PARD3B: variants seen among roughly 807,000 people sequenced by gnomAD.
The protein encoded by PARD3B is partitioning defective 3 homolog B.
A neutral mutation model predicts 130.2 loss-of-function variants in PARD3B; 103 were observed. The ratio of observed to expected loss-of-function variants is 0.79; its 90% CI spans 0.67 to 0.93. The LOEUF is 0.93. Among genes scored for constraint, PARD3B ranks in the 40% least tolerant of loss-of-function variants. The pLI is 0.00. For missense variants in PARD3B, 1,609 were observed against 1,499.2 expected (o/e 1.07, Z -1.21); for synonymous variants, 583 against 553.2 (o/e 1.05, Z -0.76).
chr2:204,977,811 CAAAAAA>C (rs35974349), intron 3 of PARD3B, among the ~76,000 whole-genome samples: 3 of 59,056 alleles, frequency 5.1e-5, no homozygotes, highest in East Asian at 6.0e-4. Flanking sequence ...GACTCCGGCT[CAAAAAA>C]AAAAAAAAAA....
chr2:205,194,805 A>G lies in PARD3B; in HGVS notation c.2140+1485A>G, dbSNP rs1406262394. Among the ~76,000 whole-genome samples the G allele has an allele frequency of 3.3e-5, 5 of 152,076 alleles. No homozygotes were observed. The South Asian group carries it at 1.0e-3, about 32-fold the overall frequency. On this transcript the variant is annotated intron_variant, in intron 15 of 22. Coordinates refer to ENST00000406610, the MANE Select transcript of PARD3B (RefSeq NM_001302769.2). ...TTATTATTATTATTTTTATTTTGAG[A>G]TGGAGTCTCGCTCTGTCACCCAGGA...
intron 1 of PARD3B, among the ~76,000 whole-genome samples, chr2:204,642,836 G>A (rs13015840): frequency 0.033 from 4,928 of 151,198 alleles, 110 homozygotes; most frequent in Non-Finnish European, 0.049. Context: ...CCTCTCGGCC[G>A]GGCGCGGTGG....
chr2:204,879,250 T>C (rs552744444), intron 2 of PARD3B, among the ~76,000 whole-genome samples: 2 of 152,280 alleles, frequency 1.3e-5, no homozygotes, highest in African/African-American at 2.4e-5. Flanking sequence ...ACATCTCAGA[T>C]GACAGGTCAA....
chr2:204,967,863 C>G lies in PARD3B; in HGVS notation c.394+2540C>G, dbSNP rs2125860433. On this transcript the variant is annotated intron_variant, in intron 3 of 22. Coordinates refer to ENST00000406610, the MANE Select transcript of PARD3B (RefSeq NM_001302769.2). The surrounding 1 kb of genome is among the most constrained non-coding windows in gnomAD (Gnocchi z 4.4). Reference sequence around the variant, plus strand: ...TTGATGGCACTTCTGGGAGTGTGACCTGGCTGTCCTGTCTGGTCCACCCTG... The same window carrying G: ...TTGATGGCACTTCTGGGAGTGTGACGTGGCTGTCCTGTCTGGTCCACCCTG... Among the ~76,000 whole-genome samples, 1 of 152,254 alleles carries G rather than the reference C, an allele frequency of 6.6e-6. No homozygotes were observed. Among genetic ancestry groups the G allele is most frequent in the African/African-American group, 2.4e-5 (1 of 41,552 alleles).
intron 20 of PARD3B, among the ~76,000 whole-genome samples, chr2:205,443,911 G>A (rs1400275184): frequency 6.6e-6 from 1 of 152,150 alleles, no homozygotes; most frequent in Non-Finnish European, 1.5e-5. Flanking sequence ...CCGGGGTAAG[G>A]GGGAATCACT....
intron 1 of PARD3B, among the ~76,000 whole-genome samples, chr2:204,569,638 G>C (rs2031875117): frequency 6.6e-6 from 1 of 152,170 alleles, no homozygotes; most frequent in African/African-American, 2.4e-5. Context: ...GATACTTACT[G>C]TGTGTTTTGT....
intron 3 of PARD3B, among the ~76,000 whole-genome samples, chr2:204,987,519 G>A (rs1340739899): frequency 1.3e-5 from 2 of 152,156 alleles, no homozygotes; most frequent in African/African-American, 4.8e-5. Context: ...TCTCTTTCTA[G>A]AAGGTATGTT....
At chr2:204,777,727 C>T (rs901113178) in intron 2 of PARD3B, among the ~76,000 whole-genome samples, 5 of 152,146 alleles carry the variant, frequency 3.3e-5, no homozygotes, top group Admixed American at 2.6e-4. Context: ...CATGATTGCA[C>T]CACTGAACTC....
chr2:205,139,205 C>T (rs554824784), intron 10 of PARD3B, among the ~76,000 whole-genome samples: 4 of 151,766 alleles, frequency 2.6e-5, no homozygotes, highest in Admixed American at 6.6e-5. Flanking sequence ...AACAAAGGCT[C>T]AACGTGCAGG....
At chr2:205,495,883 G>A (rs1400716429) in intron 20 of PARD3B, among the ~76,000 whole-genome samples, 1 of 152,032 alleles carries the variant, frequency 6.6e-6, no homozygotes, top group Non-Finnish European at 1.5e-5. Flanking sequence ...TATTTTTTGA[G>A]GTTTTAAGAT....
In PARD3B at chr2:205,550,045, T is replaced by C. The variant is rs2052549598; in HGVS notation, c.3181-3279T>C. Among the ~76,000 whole-genome samples the C allele has an allele frequency of 6.6e-6, 1 of 152,206 alleles. No individual in the cohort carries two copies. Among genetic ancestry groups the C allele is most frequent in the African/African-American group, 2.4e-5 (1 of 41,462 alleles). ...CTAGTTAGTAGTATTCTTTTCTTCA[T>C]ACCTTGTTTCTACCTTTGCAAAATC... is the stretch of plus-strand genomic sequence containing the variant. On this transcript the variant is annotated intron_variant, in intron 21 of 22. Transcript: ENST00000406610. The surrounding 1 kb of genome is among the most constrained non-coding windows in gnomAD (Gnocchi z 4.5).
intron 4 of PARD3B, among the ~76,000 whole-genome samples, chr2:205,065,267 A>G (rs1700297175): frequency 6.6e-6 from 1 of 152,182 alleles, no homozygotes; most frequent in Non-Finnish European, 1.5e-5. Flanking sequence ...AAATTAATAA[A>G]CACTGGAGTT....
chr2:205,123,471 G>A (rs1191374786), intron 8 of PARD3B, among the ~76,000 whole-genome samples: 2 of 152,062 alleles, frequency 1.3e-5, no homozygotes, highest in African/African-American at 4.8e-5. Flanking sequence ...GATATACTTG[G>A]ATCCAGGAGC....
chr2:205,099,854 A>T (rs924620378), intron 4 of PARD3B, among the ~76,000 whole-genome samples: 2 of 152,124 alleles, frequency 1.3e-5, no homozygotes, highest in Non-Finnish European at 2.9e-5. Flanking sequence ...CCCTTTTTTG[A>T]TAGCTTCGGC....
In PARD3B at chr2:205,160,213, A is replaced by C. The variant is rs2034427678; in HGVS notation, c.1620+1306A>C. Among the ~76,000 whole-genome samples, 1 of 152,206 alleles carries C rather than the reference A, an allele frequency of 6.6e-6. No homozygotes were observed. The highest frequency in any genetic ancestry group is 6.5e-5 in the Admixed American group (1 of 15,282). On this transcript the variant is annotated intron_variant, in intron 11 of 22. Transcript: ENST00000406610. The surrounding 1 kb of genome is among the most constrained non-coding windows in gnomAD (Gnocchi z 4.0). ...GCATAATAAATAGTCATAATTTTTC[A>C]GTAATATACACATCAATAAGCCTTT...
chr2:204,898,328 T>A (rs902556718), intron 2 of PARD3B, among the ~76,000 whole-genome samples: 1 of 152,110 alleles, frequency 6.6e-6, no homozygotes, highest in Admixed American at 6.5e-5. Context: ...GTAGTTATTT[T>A]AAAATGTATA....
At chr2:204,920,361 G>A (rs2047625245) in intron 2 of PARD3B, among the ~76,000 whole-genome samples, 1 of 152,140 alleles carries the variant, frequency 6.6e-6, no homozygotes, top group Non-Finnish European at 1.5e-5. Context: ...TTTCCCCTCA[G>A]AGTTTTCAAG....
At chr2:205,044,135 C>G (rs979411811) in intron 3 of PARD3B, among the ~76,000 whole-genome samples, 1 of 151,910 alleles carries the variant, frequency 6.6e-6, no homozygotes, top group Non-Finnish European at 1.5e-5. Context: ...AGGACATGAA[C>G]TCATCATTTT....
At chr2:204,854,471 AATG>A (rs1369367527) in intron 2 of PARD3B, among the ~76,000 whole-genome samples, 2 of 152,144 alleles carry the variant, frequency 1.3e-5, no homozygotes, top group Non-Finnish European at 2.9e-5. Context: ...GTTGAAAGGT[AATG>A]ATAACGAAGC....
Sources: allele counts gnomAD v4.1 joint callset (sites outside exome capture counted in the v4.1 genomes callset), GRCh38; gene constraint gnomAD v4.1.1; non-coding constraint Gnocchi (gnomAD v3.1); transcripts MANE v1.5; gene names NCBI Gene and HGNC (gene_info 2026-07-23, HGNC 2026-07-21).